SNX18: variants seen among roughly 807,000 people sequenced by gnomAD.
SNX18 encodes sorting nexin-18.
In SNX18, 35 loss-of-function variants were observed where a neutral mutation model predicts 48.7. The observed-to-expected ratio is 0.72, with a 90% CI of 0.55 to 0.95. SNX18 has a LOEUF of 0.95. Ranked by LOEUF, SNX18 falls within the 40% of genes least tolerant of loss-of-function variation. The pLI is 0.00. For missense variants in SNX18, 824 were observed against 871.0 expected, an observed-to-expected ratio of 0.95 and a Z score of 0.68; for synonymous variants, 492 against 384.7, an observed-to-expected ratio of 1.28 and a Z score of -3.26.
chr5:54,551,079 C>CA (rs35257130), downstream of SNX18, among the ~76,000 whole-genome samples: 8,601 of 119,520 alleles, frequency 0.072, 326 homozygotes, highest in Middle Eastern at 0.14. Flanking sequence ...AGGGGACTAG[C>CA]AAAAAAAAAA....
intron 1 of SNX18, chr5:54,520,822 T>C (rs1762015428): frequency 6.0e-6 from 1 of 167,100 alleles, no homozygotes; most frequent in Middle Eastern, 3.1e-3. Flanking sequence ...GCTGGGAGAA[T>C]GATCAAACGT....
downstream of SNX18, among the ~76,000 whole-genome samples, chr5:54,551,581 C>T (rs11949951): frequency 0.23 from 34,479 of 152,154 alleles, 4,105 homozygotes; most frequent in Middle Eastern, 0.36. Flanking sequence ...CTTTGATCTA[C>T]GGAACTCTCC....
At chr5:54,629,402 A>G in the SNX18 span, among the ~76,000 whole-genome samples, 2 of 152,214 alleles carry the variant, frequency 1.3e-5, no homozygotes, top group African/African-American at 4.8e-5. Flanking sequence ...GCAAATACAC[A>G]TTTCAGTTTC....
At chr5:54,574,117 GAA>G in the SNX18 span, among the ~76,000 whole-genome samples, 3 of 152,312 alleles carry the variant, frequency 2.0e-5, no homozygotes, top group South Asian at 4.1e-4. Flanking sequence ...AGGCTGCTGA[GAA>G]CTCGACCAGA....
the SNX18 span, among the ~76,000 whole-genome samples, chr5:54,591,105 C>A: frequency 6.6e-6 from 1 of 152,120 alleles, no homozygotes; most frequent in Non-Finnish European, 1.5e-5. Context: ...GAATAAACAC[C>A]TAAAGGTACC....
chr5:54,548,419 C>G (rs1031538838), downstream of SNX18, among the ~76,000 whole-genome samples: 2 of 152,174 alleles, frequency 1.3e-5, no homozygotes, highest in Non-Finnish European at 2.9e-5. Flanking sequence ...GGAAATGGCT[C>G]TCAGGATGGA....
chr5:54,640,210 C>CTTTT, the SNX18 span, among the ~76,000 whole-genome samples: 2 of 146,252 alleles, frequency 1.4e-5, no homozygotes, highest in Non-Finnish European at 1.5e-5. Flanking sequence ...GAAATAGATT[C>CTTTT]TTTTTTTTTT....
At chr5:54,600,769 C>T in the SNX18 span, among the ~76,000 whole-genome samples, 2 of 152,184 alleles carry the variant, frequency 1.3e-5, no homozygotes, top group East Asian at 3.9e-4. Context: ...TAACTGGGAG[C>T]TGAACAATGG....
At chr5:54,624,467 T>C in the SNX18 span, among the ~76,000 whole-genome samples, 1 of 152,216 alleles carries the variant, frequency 6.6e-6, no homozygotes, top group African/African-American at 2.4e-5. Context: ...TAAATGAAGA[T>C]ACAGAAGTGA....
the SNX18 span, among the ~76,000 whole-genome samples, chr5:54,591,179 TG>T: frequency 2.5e-3 from 355 of 142,760 alleles, no homozygotes; most frequent in Middle Eastern, 0.011. Flanking sequence ...GTTTTTTTTT[TG>T]TTTTGTTTTG....
At chr5:54,617,903 G>A in the SNX18 span, among the ~76,000 whole-genome samples, 1 of 152,062 alleles carries the variant, frequency 6.6e-6, no homozygotes, top group Admixed American at 6.6e-5. Flanking sequence ...TTTGGGTAAG[G>A]TCAACCATGG....
the SNX18 span, among the ~76,000 whole-genome samples, chr5:54,617,169 A>C: frequency 1.3e-5 from 2 of 152,230 alleles, no homozygotes; most frequent in East Asian, 3.8e-4. Context: ...CAGTTAATTC[A>C]CCAGTGAAGC....
chr5:54,541,529 T>C (rs952323533), intron 1 of SNX18, among the ~76,000 whole-genome samples: 1 of 152,162 alleles, frequency 6.6e-6, no homozygotes, highest in Non-Finnish European at 1.5e-5. Context: ...TTCAGAGTGA[T>C]GGCTTCTTAG....
At position 54,518,186 on chromosome 5, in the gene SNX18, C is replaced by G; in HGVS notation, c.234C>G (p.Tyr78Ter). ...GDGGPGAPARYANVPPGGFEP... is the reference protein window; with the variant it reads ...GDGGPGAPAR ...GCGGCCCGGGCGCCCCGGCCCGCTA[C>G]GCCAATGTGCCCCCCGGGGGCTTCG... Residue 78 changes from tyrosine (Y) to a stop codon, truncating the protein, a stop_gained, in exon 1 of 2, where the codon TAC becomes TAG. Transcript: ENST00000381410. LOFTEE classifies it high-confidence loss of function. The G allele has an allele frequency of 7.2e-7, 1 of 1,386,372 alleles. No homozygotes were observed. Among genetic ancestry groups the G allele is most frequent in the Non-Finnish European group, 9.3e-7 (1 of 1,078,822 alleles). 85.9% of individuals were successfully genotyped at this position (1,386,372 alleles called of 1,614,324 possible). A position where few individuals can be genotyped will look rare whatever the true frequency, so the allele number is the denominator to read the frequency against.
At chr5:54,583,836 C>T in the SNX18 span, among the ~76,000 whole-genome samples, 2 of 152,172 alleles carry the variant, frequency 1.3e-5, no homozygotes, top group Admixed American at 6.5e-5. Context: ...CTTATTTGGT[C>T]TCAAGGGTCA....
At chr5:54,551,181 G>A (rs943075381), downstream of SNX18, among the ~76,000 whole-genome samples, 4 of 152,102 alleles carry the variant, frequency 2.6e-5, no homozygotes, top group Admixed American at 6.5e-5. Context: ...GGCACAGGAA[G>A]AACTATCTTG....
the SNX18 span, chr5:54,644,807 G>T: frequency 6.6e-6 from 1 of 152,282 alleles, no homozygotes; most frequent in South Asian, 2.1e-4. Flanking sequence ...AAAGCAGAAA[G>T]ATAGAAGAGC....
the SNX18 span, among the ~76,000 whole-genome samples, chr5:54,631,994 C>T: frequency 6.6e-6 from 1 of 152,224 alleles, no homozygotes; most frequent in African/African-American, 2.4e-5. Context: ...CCCCCTGCAC[C>T]TCTTCTACTG....
the SNX18 span, among the ~76,000 whole-genome samples, chr5:54,603,250 A>AT: frequency 3.2e-4 from 23 of 71,062 alleles, no homozygotes; most frequent in Non-Finnish European, 6.4e-4. Flanking sequence ...ATATATATAT[A>AT]TTTTTTTAGA....
Sources: gnomAD v4.1 joint callset for allele counts (sites outside exome capture counted in the v4.1 genomes callset) on GRCh38, gnomAD v4.1.1 for gene constraint, MANE v1.5 for transcripts, NCBI Gene and HGNC (gene_info 2026-07-23, HGNC 2026-07-21) for gene names.